Variants in TRAP1 observed in about 807,000 individuals in gnomAD.
TRAP1 encodes the protein TNF receptor associated protein 1, also known as heat shock protein 75 kDa, mitochondrial.
A neutral mutation model predicts 89.1 loss-of-function variants in TRAP1; 102 were observed. The observed-to-expected ratio is 1.15, with a 90% CI of 0.98 to 1.35. The LOEUF (loss-of-function observed/expected upper bound fraction) is 1.35, where lower values mean the gene tolerates loss of function less well. Ranked by LOEUF, TRAP1 falls within the 40% of genes most tolerant of loss-of-function variation. TRAP1 has a pLI of 0.00. For missense variants in TRAP1, 1,256 were observed against 945.3 expected (o/e 1.33, Z -4.31); for synonymous variants, 508 against 388.0 (o/e 1.31, Z -3.64).
In TRAP1 at chr16:3,685,374, G is replaced by A. The variant is rs188362004; in HGVS notation, c.471+622C>T. Among the ~76,000 whole-genome samples the A allele has an allele frequency of 5.9e-5, 9 of 152,188 alleles. 1 individual carries two copies. The East Asian group carries it at 1.7e-3, about 29-fold the overall frequency. ...TTCACAAGTCCATTCATTCACGCGT[G>A]CCTGCATTCATTTATGTGGCATGAC... On this transcript the variant is annotated intron_variant, in intron 4 of 17. Coordinates refer to ENST00000246957, the MANE Select transcript of TRAP1 (RefSeq NM_016292.3).
chr16:3,690,630 C>A (rs1168869774), intron 2 of TRAP1, among the ~76,000 whole-genome samples, 197 bp downstream of exon 2: 3 of 152,170 alleles, frequency 2.0e-5, no homozygotes, highest in African/African-American at 4.8e-5. Context: ...CCAGAGGGGG[C>A]AAGACACACC....
intron 11 of TRAP1, among the ~76,000 whole-genome samples, chr16:3,669,705 G>A (rs1032102928): frequency 2.6e-5 from 4 of 151,616 alleles, no homozygotes; most frequent in African/African-American, 9.7e-5. Flanking sequence ...GTGGTGGTGG[G>A]TGCCTGTATC....
At chr16:3,712,107 G>A (rs183111114) in intron 1 of TRAP1, among the ~76,000 whole-genome samples, 66 of 151,838 alleles carry the variant, frequency 4.3e-4, no homozygotes, top group African/African-American at 1.5e-3. Context: ...TGCCCAACAC[G>A]GTGAAACCTC....
At chr16:3,675,228 G>C in intron 8 of TRAP1, 96 bp downstream of exon 8, 1 of 1,233,530 alleles carries the variant, frequency 8.1e-7, no homozygotes, top group Non-Finnish European at 1.2e-6. Context: ...CTGTGACTCT[G>C]GGCCGCATCC....
chr16:3,691,254 C>T (rs2051210640), intron 1 of TRAP1: 1 of 272,034 alleles, frequency 3.7e-6, no homozygotes, highest in Non-Finnish European at 6.9e-6. Context: ...GCCTTCTTTT[C>T]AGAGGGGGTC....
At position 3,666,072 on chromosome 16, in the gene TRAP1, C is replaced by T; in HGVS notation, c.1282G>A (p.Asp428Asn). The T allele has an allele frequency of 6.2e-7, 1 of 1,614,104 alleles. No homozygotes were observed. The highest frequency in any genetic ancestry group is 1.3e-5 in the African/African-American group (1 of 75,024). Residue 428 changes from aspartate to asparagine, a missense_variant, in exon 12 of 18, where the codon GAC (aspartate) becomes AAC (asparagine). Transcript: ENST00000246957. ...LQQRLIKFFI[D>N]QSKKDAEKYA... ...TTCTCAGCATCTTTTTTACTCTGGT[C>T]AATGAAGAATTTGATCAGCCTCTGC...
intron 13 of TRAP1, 103 bp from the exon 14 acceptor site, chr16:3,663,665 C>G: frequency 6.9e-7 from 1 of 1,455,408 alleles, no homozygotes; most frequent in Middle Eastern, 2.4e-4. Flanking sequence ...AAGCGGGCCA[C>G]ACTGGGGAAC....
chr16:3,685,937 G>T, intron 4 of TRAP1, 59 bp downstream of exon 4: 1 of 1,582,488 alleles, frequency 6.3e-7, no homozygotes, highest in South Asian at 1.1e-5. Flanking sequence ...ACTAGAAGGC[G>T]GATCCTGTCC....
At chr16:3,706,403 C>A (rs944270131) in intron 1 of TRAP1, among the ~76,000 whole-genome samples, 1 of 151,840 alleles carries the variant, frequency 6.6e-6, no homozygotes, top group African/African-American at 2.4e-5. Flanking sequence ...ACCTCAGCCT[C>A]CCAAGCAGGT....
intron 9 of TRAP1, 38 bp from the exon 10 acceptor site, chr16:3,672,858 C>CCCTCGT: frequency 1.9e-6 from 3 of 1,591,668 alleles, no homozygotes; most frequent in Non-Finnish European, 2.6e-6. Context: ...GCAGCACTGA[C>CCCTCGT]CCTCCCCAGG....
intron 14 of TRAP1, 119 bp downstream of exon 14, chr16:3,663,305 C>T (rs542582551): frequency 2.2e-5 from 30 of 1,365,898 alleles, no homozygotes; most frequent in Non-Finnish European, 2.8e-5. Flanking sequence ...AGGCTCTTCT[C>T]GGGGGTGGCT....
chr16:3,674,254 G>A (rs2050955612), intron 9 of TRAP1, 85 bp downstream of exon 9: 1 of 1,536,646 alleles, frequency 6.5e-7, no homozygotes, highest in Non-Finnish European at 8.9e-7. Flanking sequence ...ACACTGCCAT[G>A]TTAATCATGT....
chr16:3,664,731 G>T (rs907586623), intron 12 of TRAP1: 1 of 417,382 alleles, frequency 2.4e-6, no homozygotes, highest in African/African-American at 2.1e-5. Flanking sequence ...CGCCCTGGGA[G>T]GGGACCCCAC....
chr16:3,682,832 C>G (rs535189876), intron 4 of TRAP1, among the ~76,000 whole-genome samples: 112 of 152,124 alleles, frequency 7.4e-4, no homozygotes, highest in Non-Finnish European at 1.5e-3. Context: ...TGCACCCCAA[C>G]CTGGAGACGG....
chr16:3,671,765 G>C lies in TRAP1; in HGVS notation c.1192C>G (p.Leu398Val). 2 of 1,613,216 alleles carry C rather than the reference G, an allele frequency of 1.2e-6. No individual in the cohort carries two copies. The highest frequency in any genetic ancestry group is 2.2e-5 in the South Asian group (2 of 91,088). ...TGCAGCAGCTCCCGGCTGAGGTTCAGGGGAATGTCCTCACTGTCCACCACA... is the reference window on the plus strand; with the variant it reads ...TGCAGCAGCTCCCGGCTGAGGTTCACGGGAATGTCCTCACTGTCCACCACA... The part of the protein sequence containing the change: ...RGVVDSEDIP[L>V]NLSRELLQES... The change falls in exon 11 of 18, where the codon CTG (leucine) becomes GTG (valine). Residue 398 changes from leucine to valine, a missense_variant. Coordinates refer to ENST00000246957, the MANE Select transcript of TRAP1 (RefSeq NM_016292.3).
chr16:3,683,704 G>A (rs1345492534), intron 4 of TRAP1, among the ~76,000 whole-genome samples: 1 of 151,504 alleles, frequency 6.6e-6, no homozygotes, highest in Non-Finnish European at 1.5e-5. Flanking sequence ...TCAATCATAA[G>A]GGAAGCTGGG....
At position 3,658,804 on chromosome 16, in the gene TRAP1, G is replaced by C. The variant is rs1174037658; in HGVS notation, c.2002C>G (p.Leu668Val). ...RASEPGLAQL[L>V]VDQIYENAMI... is the part of the protein sequence containing the mutation. ...GCTGCTGCACTCACCTGATCCACCA[G>C]CAGCTGAGCCAGGCCAGGCTCGCTT... The change falls in exon 17 of 18, where the codon CTG becomes GTG. Residue 668 changes from leucine (L) to valine (V), a missense_variant. By Grantham distance (32) the Leu-to-Val change is conservative (BLOSUM62 1). Coordinates refer to ENST00000246957, the MANE Select transcript of TRAP1 (RefSeq NM_016292.3). 8.1e-6 allele frequency: 13 copies of C among 1,613,810 alleles called. No individual in the cohort carries two copies. Among genetic ancestry groups the C allele is most frequent in the Non-Finnish European group, 1.1e-5 (13 of 1,179,952 alleles).
Position 3,703,907 on chromosome 16 carries a change from C to A in TRAP1, c.89-12922G>T, listed in dbSNP as rs763409353. Among the ~76,000 whole-genome samples the A allele has an allele frequency of 5.9e-5, 9 of 151,330 alleles. 1 individual carries two copies. Among genetic ancestry groups the A allele is most frequent in the African/African-American group, 2.0e-4 (8 of 40,910 alleles). Reference sequence around the variant, plus strand: ...GCGGGTGCCTGTGGTCCCAGCTACTCGGGAGGCTGAGGCAGGAGAATGGAG... The same window carrying A: ...GCGGGTGCCTGTGGTCCCAGCTACTAGGGAGGCTGAGGCAGGAGAATGGAG... On this transcript the variant is annotated intron_variant, in intron 1 of 17. Transcript: ENST00000246957.
intron 11 of TRAP1, among the ~76,000 whole-genome samples, chr16:3,668,494 A>G (rs2050867895): frequency 1.3e-5 from 2 of 152,220 alleles, no homozygotes; most frequent in African/African-American, 4.8e-5. Flanking sequence ...TTGGAAATGC[A>G]CCCCAAAGGC....
Sources: allele counts gnomAD v4.1 joint callset (sites outside exome capture counted in the v4.1 genomes callset), GRCh38; gene constraint gnomAD v4.1.1; transcripts MANE v1.5; gene names NCBI Gene and HGNC (gene_info 2026-07-23, HGNC 2026-07-21).